Variants in FGF14 observed in about 807,000 individuals in gnomAD.
FGF14 encodes the protein fibroblast growth factor 14.
In FGF14, 5 loss-of-function variants were observed where a neutral mutation model predicts 25.5. That is an observed-to-expected ratio of 0.20 (90% confidence interval 0.10 to 0.41). The LOEUF is 0.41. Among genes scored for constraint, FGF14 ranks in the 10% least tolerant of loss-of-function variants. The pLI is 1.00. For missense variants in FGF14, 222 were observed against 320.1 expected (o/e 0.69, Z 2.34); for synonymous variants, 138 against 118.3 (o/e 1.17, Z -1.08).
At chr13:101,787,561 C>A (rs866507625) in intron 3 of FGF14, among the ~76,000 whole-genome samples, 1 of 152,260 alleles carries the variant, frequency 6.6e-6, no homozygotes, top group Middle Eastern at 3.4e-3. Flanking sequence ...CAACGCATAA[C>A]CCTACATGGT....
At chr13:102,111,356 T>C (rs1332911769) in intron 1 of FGF14, among the ~76,000 whole-genome samples, 2 of 152,222 alleles carry the variant, frequency 1.3e-5, no homozygotes, top group South Asian at 2.1e-4. Flanking sequence ...GTTTAAAATA[T>C]ATTCTCATGT....
chr13:102,110,028 G>A (rs1039531425), intron 1 of FGF14, among the ~76,000 whole-genome samples: 6 of 152,180 alleles, frequency 3.9e-5, no homozygotes, highest in African/African-American at 1.4e-4. Context: ...TTCAATGGAT[G>A]TGGATCAGAA....
Position 102,173,367 on chromosome 13 carries a change from A to C in FGF14, c.208+228104T>G, listed in dbSNP as rs577820808. On this transcript the variant is annotated intron_variant, in intron 1 of 4. Transcript: ENST00000376131. ...GACACGGAGAAATTGGAACTCTTAT[A>C]CACTGTTAGTAGGAATGTAAAATGG... is the stretch of plus-strand genomic sequence containing the variant. Among the ~76,000 whole-genome samples the C allele has an allele frequency of 2.0e-5, 3 of 152,270 alleles. No individual in the cohort carries two copies. The South Asian group carries it at 6.2e-4, about 32-fold the overall frequency.
chr13:101,918,324 C>T (rs1234014312), upstream of FGF14, among the ~76,000 whole-genome samples: 3 of 152,190 alleles, frequency 2.0e-5, no homozygotes, highest in Non-Finnish European at 2.9e-5. Context: ...GGGCTTCTTA[C>T]TTTTCTCCTC....
intron 1 of FGF14, among the ~76,000 whole-genome samples, chr13:102,093,547 T>C (rs909157817): frequency 1.3e-5 from 2 of 152,222 alleles, no homozygotes; most frequent in African/African-American, 2.4e-5. Flanking sequence ...GTCATAACCC[T>C]GGTAAATTAC....
intron 1 of FGF14, among the ~76,000 whole-genome samples, chr13:102,231,615 T>G (rs1179201084): frequency 1.3e-5 from 2 of 152,198 alleles, no homozygotes; most frequent in African/African-American, 4.8e-5. Flanking sequence ...ACCAGCCAAA[T>G]ATAGCATATG....
At chr13:102,044,888 T>A (rs1595093933) in intron 1 of FGF14, among the ~76,000 whole-genome samples, 1 of 152,160 alleles carries the variant, frequency 6.6e-6, no homozygotes, top group Admixed American at 6.6e-5. Flanking sequence ...ATACTCTAGA[T>A]CTATTGGAGA....
intron 1 of FGF14, among the ~76,000 whole-genome samples, chr13:102,301,821 G>A (rs2055071712): frequency 1.2e-5 from 1 of 83,852 alleles, no homozygotes; most frequent in Non-Finnish European, 2.3e-5. Flanking sequence ...AAATCTTCCT[G>A]TACTTCACAC....
At chr13:102,140,447 T>A (rs1298787497) in intron 1 of FGF14, among the ~76,000 whole-genome samples, 5 of 152,102 alleles carry the variant, frequency 3.3e-5, no homozygotes, top group African/African-American at 4.8e-5. Flanking sequence ...TCTCCCCAAC[T>A]TTTACTTCAA....
rs35113785 is a variant in FGF14 at position 102,095,977 on chromosome 13, T to TTG, written c.209-220683_209-220682dup. Among the ~76,000 whole-genome samples, 1,312 of 142,704 alleles carry TTG rather than the reference T, an allele frequency of 9.2e-3. 18 individuals carry two copies. Among genetic ancestry groups the TTG allele is most frequent in the African/African-American group, 0.026 (1,037 of 39,458 alleles). The allele number at this position is 142,704 out of a possible 152,430, so 93.6% of individuals were successfully genotyped here. A position where few individuals can be genotyped will look rare whatever the true frequency, so the allele number is the denominator to read the frequency against. ...TCAACTGTACATATTTAAATACAAT[T>TTG]TGTGTGTGTGTGTGTGTGTGTGTGT... On this transcript the variant is annotated intron_variant, in intron 1 of 4. Coordinates refer to the FGF14 transcript ENST00000376131.
chr13:102,382,262 C>CAA (rs1264902696), intron 1 of FGF14, among the ~76,000 whole-genome samples: 2 of 151,920 alleles, frequency 1.3e-5, no homozygotes, highest in Admixed American at 1.3e-4. Context: ...ATCTAGAATA[C>CAA]AAAAAGAGCT....
At chr13:102,030,709 C>T (rs141236696) in intron 1 of FGF14, among the ~76,000 whole-genome samples, 98 of 152,052 alleles carry the variant, frequency 6.4e-4, no homozygotes, top group African/African-American at 2.2e-3. Flanking sequence ...GCCTGAGTCC[C>T]GCACAGGGAC....
intron 3 of FGF14, among the ~76,000 whole-genome samples, chr13:101,821,044 A>T (rs6491648): frequency 1.4e-5 from 2 of 144,516 alleles, no homozygotes; most frequent in African/African-American, 2.5e-5. Flanking sequence ...GCCCCCCGGG[A>T]TTCACGCCAT....
At chr13:101,927,633 G>GTCATAGGTTTCAAAGGTT (rs1178869465) in intron 1 of FGF14, among the ~76,000 whole-genome samples, 1 of 152,190 alleles carries the variant, frequency 6.6e-6, no homozygotes, top group African/African-American at 2.4e-5. Flanking sequence ...CCAGCTCTTT[G>GTCATAGGTTTCAAAGGTT]TCATAGGTTT....
At chr13:101,734,174 G>A (rs994552406) in intron 3 of FGF14, among the ~76,000 whole-genome samples, 1 of 151,896 alleles carries the variant, frequency 6.6e-6, no homozygotes, top group African/African-American at 2.4e-5. Flanking sequence ...TTTTAACGAG[G>A]TCCCAGGTGA....
rs2038941071 is a variant in FGF14 at position 101,992,109 on chromosome 13, A to G, written c.209-116813T>C. Among the ~76,000 whole-genome samples, 4 of 152,296 alleles carry G rather than the reference A, an allele frequency of 2.6e-5. No homozygotes were observed. The South Asian group carries it at 8.3e-4, about 32-fold the overall frequency. ...AACACTCAGACCTAAACATAAGCCT[A>G]CAGATGCTTTCACTCCTTCTACACC... is the stretch of plus-strand genomic sequence containing the variant. On this transcript the variant is annotated intron_variant, in intron 1 of 4. Transcript: ENST00000376131.
intron 1 of FGF14, among the ~76,000 whole-genome samples, chr13:102,181,284 A>G (rs2048663399): frequency 6.6e-6 from 1 of 152,186 alleles, no homozygotes; most frequent in African/African-American, 2.4e-5. Flanking sequence ...GCCCATGATT[A>G]TGTTACCTGA....
intron 1 of FGF14, among the ~76,000 whole-genome samples, chr13:102,339,548 AG>A (rs2056889520): frequency 6.6e-6 from 1 of 152,200 alleles, no homozygotes. Flanking sequence ...GTGAGAGCAA[AG>A]GTCCCATACA....
intron 1 of FGF14, among the ~76,000 whole-genome samples, chr13:102,003,792 G>A (rs903332546): frequency 6.6e-6 from 1 of 151,892 alleles, no homozygotes. Flanking sequence ...TTCAAAAATG[G>A]CATCCTCTAG....
Sources: gnomAD v4.1 joint callset for allele counts (sites outside exome capture counted in the v4.1 genomes callset) on GRCh38, gnomAD v4.1.1 for gene constraint, MANE v1.5 for transcripts, NCBI Gene and HGNC (gene_info 2026-07-23, HGNC 2026-07-21) for gene names.